The following ELN variants were observed in gnomAD, a reference collection of about 807,000 sequenced individuals.
ELN encodes tropoelastin.
In ELN, 65 loss-of-function variants were observed where a neutral mutation model predicts 105.8. The observed-to-expected ratio is 0.61, with a 90% CI of 0.50 to 0.75. The LOEUF (loss-of-function observed/expected upper bound fraction) is 0.75, where lower values mean the gene tolerates loss of function less well. ELN is among the 30% of genes least tolerant of loss of function. The pLI, the probability that ELN is intolerant of heterozygous loss-of-function variation, is 0.00. For missense variants in ELN, 882 were observed against 969.4 expected, an observed-to-expected ratio of 0.91 and a Z score of 1.20; for synonymous variants, 368 against 389.2, an observed-to-expected ratio of 0.95 and a Z score of 0.64.
At chr7:74,064,219 T>C (rs546277029) in intron 29 of ELN, among the ~76,000 whole-genome samples, 1 of 150,674 alleles carries the variant, frequency 6.6e-6, no homozygotes, top group African/African-American at 2.4e-5. Flanking sequence ...ATCAAGACCA[T>C]CCTGGCTAAC....
At chr7:74,032,865 C>A (rs1385952477) in intron 1 of ELN, among the ~76,000 whole-genome samples, 12 of 152,204 alleles carry the variant, frequency 7.9e-5, no homozygotes. Flanking sequence ...AGACAACCAC[C>A]CTGCCACCCC....
chr7:74,036,072 C>CTT (rs1789869931), intron 2 of ELN, among the ~76,000 whole-genome samples: 1 of 152,004 alleles, frequency 6.6e-6, no homozygotes, highest in Non-Finnish European at 1.5e-5. Context: ...AGGCGGATCA[C>CTT]AAGGTCAGGA....
chr7:74,069,463 C>T lies in ELN; in HGVS notation c.*763C>T. ...TGTCATGGCCGCCTGTGCCCTGCCT[C>T]CACCCCCATCCTACACTCCCCCAGG... On this transcript the variant is annotated 3_prime_UTR_variant, in exon 33 of 33. Coordinates refer to ENST00000252034, the MANE Select transcript of ELN (RefSeq NM_000501.4). 4.2e-6 allele frequency: 1 copy of T among 235,436 alleles called. No individual in the cohort carries two copies. The highest frequency in any genetic ancestry group is 6.0e-5 in the East Asian group (1 of 16,582). The allele number at this position is 235,436 out of a possible 1,614,324, so 14.6% of individuals were successfully genotyped here.
intron 21 of ELN, chr7:74,057,287 C>T: frequency 2.0e-6 from 2 of 979,890 alleles, no homozygotes; most frequent in Non-Finnish European, 2.8e-6. Context: ...TGCCAGGAAG[C>T]CATTCTCTTC....
rs144026807 is a variant in ELN at position 74,060,155 on chromosome 7, C to A, written c.1592C>A (p.Ala531Asp). 1 of 1,614,054 alleles carries A rather than the reference C, an allele frequency of 6.2e-7. No homozygotes were observed. Among genetic ancestry groups the A allele is most frequent in the African/African-American group, 1.3e-5 (1 of 74,950 alleles). The change falls in exon 24 of 33, where the codon GCT becomes GAT. Residue 531 changes from alanine to aspartate, a missense_variant. Transcript: ENST00000252034. Reference sequence around the variant, plus strand: ...CCTCCCTCAGCTGCAGCAAAATCCGCTGCCAAGGTGGCTGCCAAAGCCCAG... The same window carrying A: ...CCTCCCTCAGCTGCAGCAAAATCCGATGCCAAGGTGGCTGCCAAAGCCCAG... ...PGGVAAAAKS[A>D]AKVAAKAQLR...
chr7:74,045,175 G>A (rs782512923), intron 9 of ELN, 47 bp from the exon 10 acceptor site: 4 of 1,610,374 alleles, frequency 2.5e-6, no homozygotes, highest in Admixed American at 1.7e-5. Flanking sequence ...TCCCAGCAGG[G>A]CCTGCAAGGC....
intron 17 of ELN, chr7:74,052,472 C>G (rs1451606762): frequency 4.8e-6 from 1 of 208,654 alleles, no homozygotes; most frequent in African/African-American, 2.3e-5. Context: ...GTGGTCCCAG[C>G]CACCTGCAAG....
intron 1 of ELN, among the ~76,000 whole-genome samples, chr7:74,031,090 G>T (rs1383915704): frequency 6.6e-6 from 1 of 152,240 alleles, no homozygotes; most frequent in Non-Finnish European, 1.5e-5. Context: ...CCCCTGCCAA[G>T]ATCGGCTGGC....
In ELN at chr7:74,063,877, C is replaced by T. The variant is rs757220953; in HGVS notation, c.1993+182C>T. On this transcript the variant is annotated intron_variant, in intron 29 of 32. Transcript: ENST00000252034. The surrounding 1 kb of genome is among the most constrained non-coding windows in gnomAD (Gnocchi z 4.1). ...CAGCACTCTAGTAGGCCAAGGTGGG[C>T]GGATCACTAGAGGTGAGGAGTTTGA... 6.6e-6 allele frequency among the ~76,000 whole-genome samples: 1 copy of T among 151,966 alleles called. No homozygotes were observed. Among genetic ancestry groups the T allele is most frequent in the Non-Finnish European group, 1.5e-5 (1 of 67,984 alleles).
Position 74,059,923 on chromosome 7 carries a change from C to A in ELN, c.1452C>A (p.Gly484=), listed in dbSNP as rs1301967913. The change falls in exon 23 of 33, where the codon GGC becomes GGA. Residue 484 remains glycine, a synonymous_variant. Coordinates refer to ENST00000252034, the MANE Select transcript of ELN (RefSeq NM_000501.4). ...GTGTCGGCGTGGCTCCTGGAGTTGGCGTGGCTCCTGGTGTCGGTGTGGCTC... is the reference window on the plus strand; with the variant it reads ...GTGTCGGCGTGGCTCCTGGAGTTGGAGTGGCTCCTGGTGTCGGTGTGGCTC... ...VPGVGVAPGV[G]VAPGVGVAPG... The A allele has an allele frequency of 6.4e-7, 1 of 1,564,010 alleles. No individual in the cohort carries two copies. Among genetic ancestry groups the A allele is most frequent in the Non-Finnish European group, 8.8e-7 (1 of 1,135,232 alleles).
rs200717337 is a variant in ELN at position 74,046,216 on chromosome 7, A to C, written c.570A>C (p.Pro190=). 4.3e-6 allele frequency: 7 copies of C among 1,614,056 alleles called. No homozygotes were observed. Among genetic ancestry groups the C allele is most frequent in the Non-Finnish European group, 5.9e-6 (7 of 1,180,018 alleles). The change falls in exon 11 of 33, where the codon CCA becomes CCC. Residue 190 remains proline, a splice_region_variant and synonymous_variant. Coordinates refer to ENST00000252034, the MANE Select transcript of ELN (RefSeq NM_000501.4). ...PGVGGAFAGI[P]GVGPFGGPQP... is the part of the protein sequence containing the mutation. ...TAGGTGGAGCTTTTGCTGGAATCCC[A>C]GGTGAGGCAAGGCTGGTGGGAGAAG...
At chr7:74,053,456 T>G in intron 18 of ELN, 147 bp downstream of exon 18, 1 of 1,485,902 alleles carries the variant, frequency 6.7e-7, no homozygotes, top group Non-Finnish European at 9.1e-7. Context: ...CATCCCCTCA[T>G]CTTCTCTTCC....
chr7:74,056,575 G>A (rs980464314), intron 20 of ELN, 97 bp from the exon 21 acceptor site: 16 of 1,601,494 alleles, frequency 1.0e-5, no homozygotes, highest in South Asian at 2.2e-5. Flanking sequence ...AAGGGAGGTC[G>A]TATCCATGCC....
At chr7:74,054,894 A>G in intron 19 of ELN, 125 bp downstream of exon 19, 1 of 1,003,154 alleles carries the variant, frequency 1.0e-6, no homozygotes, top group Non-Finnish European at 1.6e-6. Flanking sequence ...GCAAGTCACC[A>G]GCAGGCCTCA....
chr7:74,052,983 T>C, intron 17 of ELN, 180 bp from the exon 18 acceptor site: 1 of 801,356 alleles, frequency 1.2e-6, no homozygotes, highest in Non-Finnish European at 2.0e-6. Flanking sequence ...CCTAGAGCTC[T>C]TTAGGGACCC....
intron 30 of ELN, 39 bp downstream of exon 30, chr7:74,065,771 AC>A (rs782370918): frequency 1.2e-6 from 2 of 1,612,904 alleles, no homozygotes; most frequent in African/African-American, 1.3e-5. Context: ...AGTGGCCTGC[AC>A]CCCCTGCCAT....
Position 74,066,731 on chromosome 7 carries a change from G to A in ELN, c.2087-1G>A, listed in dbSNP as rs782643005. 3 of 1,613,862 alleles carry A rather than the reference G, an allele frequency of 1.9e-6. No homozygotes were observed. The highest frequency in any genetic ancestry group is 1.7e-5 in the Admixed American group (1 of 59,994). On this transcript the variant is annotated splice_acceptor_variant, in intron 31 of 32. Coordinates refer to ENST00000252034, the MANE Select transcript of ELN (RefSeq NM_000501.4). LOFTEE classifies it high-confidence loss of function. ...CCACCAACCTGAAATCTCTCCTGCA[G>A]GAGTGGCAGCAAGACCTGGCTTCGG...
In ELN at chr7:74,053,320, CTGTGTGTGTGTGTG is replaced by C. The variant is rs10579871; in HGVS notation, c.1096+37_1096+50del. The C allele has an allele frequency of 7.9e-5, 123 of 1,562,756 alleles. No homozygotes were observed. The highest frequency in any genetic ancestry group is 1.7e-4 in the South Asian group (15 of 86,892). On this transcript the variant is annotated intron_variant, in intron 18 of 32. Transcript: ENST00000252034. ...GTGCTGCGGTTCCAGGTGAGCTGGG[CTGTGTGTGTGTGTG>C]TGTGTGTGTGTGTGTGTGTGTGTGT...
At chr7:74,032,998 T>C (rs1310405447) in intron 1 of ELN, among the ~76,000 whole-genome samples, 7 of 152,238 alleles carry the variant, frequency 4.6e-5, no homozygotes, top group Admixed American at 6.5e-5. Context: ...TTTTGAGCAA[T>C]TACTGTCTGC....
Sources: gnomAD v4.1 joint callset for allele counts (sites outside exome capture counted in the v4.1 genomes callset) on GRCh38, gnomAD v4.1.1 for gene constraint, Gnocchi (gnomAD v3.1) non-coding constraint, MANE v1.5 for transcripts, NCBI Gene and HGNC (gene_info 2026-07-23, HGNC 2026-07-21) for gene names.